NEGR1: variants seen among roughly 807,000 people sequenced by gnomAD.
NEGR1 encodes IgLON family member 4.
Under a neutral mutation model 40.9 loss-of-function variants are expected in NEGR1, and 10 were observed. The observed-to-expected ratio is 0.24, with a 90% CI of 0.15 to 0.42. The LOEUF (loss-of-function observed/expected upper bound fraction) is 0.42. Ranked by LOEUF, NEGR1 falls within the 10% of genes least tolerant of loss-of-function variation. NEGR1 has a pLI of 1.00. For synonymous variants in NEGR1, 185 were observed against 166.8 expected, an observed-to-expected ratio of 1.11 and a Z score of -0.84; for missense variants, 352 against 438.9, an observed-to-expected ratio of 0.80 and a Z score of 1.77.
At chr1:71,928,435 T>C (rs925529480) in intron 2 of NEGR1, among the ~76,000 whole-genome samples, 4 of 80,096 alleles carry the variant, frequency 5.0e-5, no homozygotes, top group South Asian at 4.2e-4. Flanking sequence ...TATGTATATA[T>C]ACACATATAT....
intron 1 of NEGR1, among the ~76,000 whole-genome samples, chr1:72,010,835 A>C (rs1194417520): frequency 1.3e-5 from 2 of 152,162 alleles, no homozygotes; most frequent in Non-Finnish European, 2.9e-5. Flanking sequence ...AGACGTCATC[A>C]TTCCCATAGT....
intron 1 of NEGR1, among the ~76,000 whole-genome samples, chr1:72,019,751 AAT>A (rs1646741223): frequency 6.6e-6 from 1 of 152,176 alleles, no homozygotes; most frequent in South Asian, 2.1e-4. Flanking sequence ...CATCACTGTA[AAT>A]TTCAAACTAT....
At chr1:72,234,731 A>G (rs1473219048) in intron 1 of NEGR1, among the ~76,000 whole-genome samples, 2 of 152,136 alleles carry the variant, frequency 1.3e-5, no homozygotes, top group Non-Finnish European at 2.9e-5. Flanking sequence ...CAAAACCACA[A>G]TGAGATACCA....
intron 1 of NEGR1, among the ~76,000 whole-genome samples, chr1:72,051,400 G>A (rs929108642): frequency 6.6e-6 from 1 of 151,420 alleles, no homozygotes; most frequent in Admixed American, 6.6e-5. Flanking sequence ...CTTTTGGCAC[G>A]ATCATCGTGA....
intron 5 of NEGR1, among the ~76,000 whole-genome samples, chr1:71,600,073 T>A (rs1649863960): frequency 6.6e-6 from 1 of 152,196 alleles, no homozygotes; most frequent in Non-Finnish European, 1.5e-5. Flanking sequence ...GAAGCCAGAA[T>A]TGAGCAACAG....
chr1:71,958,755 C>T (rs745524913), intron 1 of NEGR1, among the ~76,000 whole-genome samples: 4 of 151,998 alleles, frequency 2.6e-5, no homozygotes, highest in Non-Finnish European at 2.9e-5. Flanking sequence ...AGTTTGAGAC[C>T]GGCCTGGCCA....
chr1:72,035,068 G>T (rs1350914112), intron 1 of NEGR1, among the ~76,000 whole-genome samples: 2 of 152,070 alleles, frequency 1.3e-5, no homozygotes, highest in African/African-American at 4.8e-5. Context: ...CATAATAAAA[G>T]ACTAGGGTGG....
At chr1:71,544,878 A>C (rs901853980) in intron 6 of NEGR1, among the ~76,000 whole-genome samples, 1 of 151,664 alleles carries the variant, frequency 6.6e-6, no homozygotes, top group African/African-American at 2.4e-5. Context: ...GTGGATTGTT[A>C]ATTCTGCAGC....
At chr1:71,837,935 A>G (rs1327182859) in intron 2 of NEGR1, among the ~76,000 whole-genome samples, 1 of 152,144 alleles carries the variant, frequency 6.6e-6, no homozygotes, top group Non-Finnish European at 1.5e-5. Context: ...ATTCTTCCTG[A>G]TGTTCTAACT....
chr1:71,956,034 C>T (rs896221780), intron 1 of NEGR1, among the ~76,000 whole-genome samples: 2 of 152,018 alleles, frequency 1.3e-5, no homozygotes, highest in African/African-American at 4.8e-5. Flanking sequence ...ACCGGTAAAC[C>T]AGGTATATTT....
chr1:72,124,151 T>C (rs1649916686), intron 1 of NEGR1, among the ~76,000 whole-genome samples: 1 of 151,992 alleles, frequency 6.6e-6, no homozygotes, highest in Non-Finnish European at 1.5e-5. Flanking sequence ...TGATTAGGAC[T>C]AAGAAAGTAA....
chr1:72,009,326 G>A (rs1304352615), intron 1 of NEGR1, among the ~76,000 whole-genome samples: 9 of 152,004 alleles, frequency 5.9e-5, no homozygotes, highest in African/African-American at 2.2e-4. Context: ...CCACGCTTCA[G>A]GGACAGTTCC....
chr1:72,037,132 C>T (rs1345560993), intron 1 of NEGR1, among the ~76,000 whole-genome samples: 1 of 151,890 alleles, frequency 6.6e-6, no homozygotes, highest in Non-Finnish European at 1.5e-5. Flanking sequence ...TGGATTTTCA[C>T]CTTAAATATT....
At chr1:71,781,930 C>T (rs1656731157) in intron 2 of NEGR1, among the ~76,000 whole-genome samples, 1 of 152,036 alleles carries the variant, frequency 6.6e-6, no homozygotes, top group South Asian at 2.1e-4. Flanking sequence ...CTTCTCATAC[C>T]TCAAAAATTT....
intron 2 of NEGR1, among the ~76,000 whole-genome samples, chr1:71,789,625 T>C (rs895268617): frequency 3.3e-5 from 5 of 152,098 alleles, no homozygotes; most frequent in African/African-American, 1.2e-4. Context: ...ATATCCCAGA[T>C]AAAAAATATC....
At chr1:71,841,447 T>C (rs978263287) in intron 2 of NEGR1, among the ~76,000 whole-genome samples, 8 of 152,174 alleles carry the variant, frequency 5.3e-5, no homozygotes, top group African/African-American at 1.7e-4. Context: ...GAAAGACCGA[T>C]GCATAGAAGC....
At chr1:71,527,065 A>G (rs1299934141) in intron 6 of NEGR1, among the ~76,000 whole-genome samples, 1 of 151,614 alleles carries the variant, frequency 6.6e-6, no homozygotes, top group Non-Finnish European at 1.5e-5. Flanking sequence ...ATATTTTTAA[A>G]GCCATATCTG....
chr1:72,186,203 G>C (rs1256731697), intron 1 of NEGR1, among the ~76,000 whole-genome samples: 1 of 151,632 alleles, frequency 6.6e-6, no homozygotes, highest in Non-Finnish European at 1.5e-5. Flanking sequence ...GCCACCTGTT[G>C]ATTTGTCCCA....
chr1:72,248,354 T>G (rs1654968751), intron 1 of NEGR1, among the ~76,000 whole-genome samples: 1 of 151,910 alleles, frequency 6.6e-6, no homozygotes, highest in Non-Finnish European at 1.5e-5. Context: ...GCCTTCCGGG[T>G]TCAAGCAATT....
Sources: gnomAD v4.1 joint callset for allele counts (sites outside exome capture counted in the v4.1 genomes callset) on GRCh38, gnomAD v4.1.1 for gene constraint, MANE v1.5 for transcripts, NCBI Gene and HGNC (gene_info 2026-07-23, HGNC 2026-07-21) for gene names.